The following PDK1 variants were observed in gnomAD, a reference collection of about 807,000 sequenced individuals.
PDK1 encodes the protein pyruvate dehydrogenase kinase 1.
A neutral mutation model predicts 54.2 loss-of-function variants in PDK1; 39 were observed. The ratio of observed to expected loss-of-function variants is 0.72; its 90% CI spans 0.56 to 0.94. The LOEUF is 0.94. Among genes scored for constraint, PDK1 ranks in the 40% least tolerant of loss-of-function variants. The pLI, the probability that PDK1 is intolerant of heterozygous loss-of-function variation, is 0.00. For synonymous variants in PDK1, 221 were observed against 207.1 expected (o/e 1.07, Z -0.58); for missense variants, 552 against 566.0 (o/e 0.98, Z 0.25).
chr2:172,716,525 A>G, the PDK1 span, among the ~76,000 whole-genome samples: 204 of 151,954 alleles, frequency 1.3e-3, 2 homozygotes, highest in African/African-American at 4.8e-3. Flanking sequence ...GAGTTTCACC[A>G]TGTTGGTCAG....
the PDK1 span, among the ~76,000 whole-genome samples, chr2:172,661,106 T>C: frequency 2.0e-5 from 3 of 152,196 alleles, no homozygotes; most frequent in African/African-American, 7.2e-5. Context: ...TGACATTTCA[T>C]CAGGAATGTT....
the PDK1 span, among the ~76,000 whole-genome samples, chr2:172,618,447 C>A: frequency 1.2e-3 from 184 of 152,268 alleles, no homozygotes; most frequent in African/African-American, 4.3e-3. Context: ...ACATTCCATT[C>A]CTACTTTGCT....
chr2:172,559,202 C>T (rs924155103), intron 2 of PDK1, among the ~76,000 whole-genome samples: 2 of 152,122 alleles, frequency 1.3e-5, no homozygotes, highest in South Asian at 2.1e-4. Context: ...CCACCTTGGC[C>T]TCCCAAAGTG....
chr2:172,680,955 G>T, the PDK1 span, among the ~76,000 whole-genome samples: 3 of 152,326 alleles, frequency 2.0e-5, no homozygotes, highest in Non-Finnish European at 4.4e-5. Flanking sequence ...TCATTCCTTA[G>T]CCTATGAAGC....
intron 6 of PDK1, 115 bp from the exon 7 acceptor site, chr2:172,568,626 A>G: frequency 1.5e-6 from 1 of 680,532 alleles, no homozygotes; most frequent in East Asian, 2.6e-5. Flanking sequence ...GTTCTCCCCC[A>G]GGTAATACTG....
At chr2:172,635,065 CTA>C in the PDK1 span, among the ~76,000 whole-genome samples, 3 of 152,070 alleles carry the variant, frequency 2.0e-5, no homozygotes, top group African/African-American at 7.2e-5. Flanking sequence ...TGAAATCTCA[CTA>C]TATGTGTTTA....
chr2:172,639,032 A>G, the PDK1 span, among the ~76,000 whole-genome samples: 3 of 152,210 alleles, frequency 2.0e-5, no homozygotes, highest in Admixed American at 1.3e-4. Flanking sequence ...TTTTAAAAAA[A>G]TTTTATTTTT....
At position 172,556,352 on chromosome 2, in the gene PDK1, T is replaced by G; in HGVS notation, c.196+6T>G. The stretch of plus-strand genomic sequence containing the variant: ...GAAGCAGTTCCTGGACTTCGGTGAG[T>G]GCGGCCCGGGACCTTGGGCCTTTTT... On this transcript the variant is annotated splice_donor_region_variant and intron_variant, in intron 1 of 10. Transcript: ENST00000282077. 7.0e-7 allele frequency: 1 copy of G among 1,435,204 alleles called. No homozygotes were observed. The highest frequency in any genetic ancestry group is 9.1e-7 in the Non-Finnish European group (1 of 1,095,238). The allele number at this position is 1,435,204 out of a possible 1,614,324, so 88.9% of individuals were successfully genotyped here.
At chr2:172,670,574 AT>A in the PDK1 span, among the ~76,000 whole-genome samples, 1 of 152,174 alleles carries the variant, frequency 6.6e-6, no homozygotes, top group Admixed American at 6.5e-5. Flanking sequence ...AATAGTGAAC[AT>A]TTTTTTCCTC....
At chr2:172,615,328 A>C in the PDK1 span, among the ~76,000 whole-genome samples, 1 of 152,216 alleles carries the variant, frequency 6.6e-6, no homozygotes, top group East Asian at 1.9e-4. Flanking sequence ...CTGCCATTAA[A>C]ATTAAATGAT....
chr2:172,593,351 A>G (rs534170303), intron 10 of PDK1, among the ~76,000 whole-genome samples: 9 of 152,342 alleles, frequency 5.9e-5, no homozygotes, highest in African/African-American at 1.9e-4. Context: ...ATGGACATTG[A>G]TAACGCCAAA....
the PDK1 span, among the ~76,000 whole-genome samples, chr2:172,711,746 G>A: frequency 1.3e-5 from 2 of 151,454 alleles, no homozygotes; most frequent in East Asian, 1.9e-4. Context: ...CAGGCCTTTC[G>A]TCCCAGCTAC....
At chr2:172,594,836 A>T (rs1690803171) in intron 10 of PDK1, among the ~76,000 whole-genome samples, 1 of 152,216 alleles carries the variant, frequency 6.6e-6, no homozygotes, top group African/African-American at 2.4e-5. Context: ...CTAGAAATGT[A>T]GTTTATCTCA....
chr2:172,680,885 G>GA, the PDK1 span, among the ~76,000 whole-genome samples: 1 of 152,190 alleles, frequency 6.6e-6, no homozygotes, highest in African/African-American at 2.4e-5. Context: ...TTAGACAAAG[G>GA]AAAAACCTGG....
At chr2:172,587,485 G>T (rs1208130870) in intron 9 of PDK1, among the ~76,000 whole-genome samples, 7 of 152,154 alleles carry the variant, frequency 4.6e-5, no homozygotes, top group Non-Finnish European at 1.0e-4. Flanking sequence ...GTTCTTCTGG[G>T]TGGGTTCGTG....
the PDK1 span, chr2:172,691,243 G>A: frequency 6.7e-6 from 1 of 150,298 alleles, no homozygotes; most frequent in Admixed American, 6.8e-5. Context: ...CAGCATAGGG[G>A]TACATTCGTT....
the PDK1 span, among the ~76,000 whole-genome samples, chr2:172,721,881 G>A: frequency 2.0e-5 from 3 of 152,174 alleles, no homozygotes; most frequent in African/African-American, 7.2e-5. Context: ...CTCTCTTTGT[G>A]GGCAGAGGTG....
At chr2:172,668,335 G>A in the PDK1 span, among the ~76,000 whole-genome samples, 30 of 150,338 alleles carry the variant, frequency 2.0e-4, 1 homozygote, top group South Asian at 6.3e-3. Context: ...CAACCTTCAA[G>A]GTCATATCTT....
In PDK1 at chr2:172,568,959, C is replaced by CT. The variant is rs1689108443; in HGVS notation, c.846+147dup. On this transcript the variant is annotated intron_variant, in intron 7 of 10. Transcript: ENST00000282077. Reference sequence around the variant, plus strand: ...ATCATATCACATTGCTGGAGATCAGCTTTTTATCAACACAGGGAGACATCT... The same window carrying CT: ...ATCATATCACATTGCTGGAGATCAGCTTTTTTATCAACACAGGGAGACATCT... The CT allele has an allele frequency of 4.8e-6, 3 of 627,406 alleles. No homozygotes were observed. The South Asian group carries it at 5.7e-5, about 12-fold the overall frequency. 38.9% of individuals were successfully genotyped at this position (627,406 alleles called of 1,614,324 possible). A position where few individuals can be genotyped will look rare whatever the true frequency, so the allele number is the denominator to read the frequency against.
Sources: allele counts gnomAD v4.1 joint callset (sites outside exome capture counted in the v4.1 genomes callset), GRCh38; gene constraint gnomAD v4.1.1; transcripts MANE v1.5; gene names NCBI Gene and HGNC (gene_info 2026-07-23, HGNC 2026-07-21).